Variants in TM9SF4 observed in about 807,000 individuals in gnomAD.
TM9SF4 encodes the protein dinucleotide oxidase disulfide thiol exchanger 3 superfamily member 4.
A neutral mutation model predicts 90.4 loss-of-function variants in TM9SF4; 26 were observed. The ratio of observed to expected loss-of-function variants is 0.29; its 90% confidence interval spans 0.21 to 0.40. The LOEUF (loss-of-function observed/expected upper bound fraction) is 0.40. TM9SF4 is among the 10% of genes least tolerant of loss of function. TM9SF4 has a pLI of 1.00. For missense variants in TM9SF4, 549 were observed against 834.8 expected, an observed-to-expected ratio of 0.66 and a Z score of 4.22; for synonymous variants, 293 against 315.4, an observed-to-expected ratio of 0.93 and a Z score of 0.75.
rs1237399174 is a variant in TM9SF4, at chr20:32,150,806, T to C, written c.1176T>C (p.Phe392=). The part of the protein sequence containing the change: ...ACFLFMFMGV[F]GGFSAGRLYR... Reference sequence around the variant, plus strand: ...CCCTGCCATTTTCCCACAGGGTGTTTGGCGGATTTTCTGCTGGCCGTCTGT... The same window carrying C: ...CCCTGCCATTTTCCCACAGGGTGTTCGGCGGATTTTCTGCTGGCCGTCTGT... The change falls in exon 12 of 18, where the codon TTT becomes TTC. Residue 392 remains phenylalanine, a synonymous_variant. Coordinates refer to ENST00000398022, the MANE Select transcript of TM9SF4 (RefSeq NM_014742.4). 1 of 1,613,974 alleles carries C rather than the reference T, an allele frequency of 6.2e-7. No individual in the cohort carries two copies. Among genetic ancestry groups the C allele is most frequent in the Non-Finnish European group, 8.5e-7 (1 of 1,180,016 alleles).
At chr20:32,123,255 C>T (rs1289169116) in intron 1 of TM9SF4, among the ~76,000 whole-genome samples, 6 of 116,890 alleles carry the variant, frequency 5.1e-5, no homozygotes, top group Non-Finnish European at 8.5e-5. Flanking sequence ...TTTTTTTCTA[C>T]GTAATAGCTT....
At chr20:32,140,338 T>G (rs2281361) in intron 3 of TM9SF4, among the ~76,000 whole-genome samples, 21,001 of 152,176 alleles carry the variant, frequency 0.14, 1,517 homozygotes, top group East Asian at 0.18. Flanking sequence ...GGGGTGCCAC[T>G]TCATTGAGTC....
At chr20:32,155,402 A>G (rs1212578409) in intron 13 of TM9SF4, among the ~76,000 whole-genome samples, 2 of 152,182 alleles carry the variant, frequency 1.3e-5, no homozygotes, top group Admixed American at 6.5e-5. Context: ...GAGATCTTTC[A>G]GTCAACTGAC....
At chr20:32,131,051 C>A (rs2046503141) in intron 1 of TM9SF4, among the ~76,000 whole-genome samples, 1 of 152,126 alleles carries the variant, frequency 6.6e-6, no homozygotes, top group African/African-American at 2.4e-5. Context: ...ATACTGTCTT[C>A]CTATCCTTCC....
intron 16 of TM9SF4, 72 bp downstream of exon 16, chr20:32,160,183 G>A (rs902307965): frequency 6.2e-6 from 10 of 1,603,796 alleles, no homozygotes; most frequent in Non-Finnish European, 6.8e-6. Context: ...ATGAGGCTCT[G>A]CGGAGAGGCT....
chr20:32,123,134 G>C (rs1403958693), intron 1 of TM9SF4, among the ~76,000 whole-genome samples: 3 of 130,254 alleles, frequency 2.3e-5, no homozygotes, highest in East Asian at 2.4e-4. Flanking sequence ...GTCCAGCTTC[G>C]GCTCGGCATG....
intron 5 of TM9SF4, among the ~76,000 whole-genome samples, 188 bp from the exon 6 acceptor site, chr20:32,142,794 T>C (rs1239441480): frequency 6.6e-6 from 1 of 152,140 alleles, no homozygotes; most frequent in African/African-American, 2.4e-5. Flanking sequence ...ATGCCAGACT[T>C]TGAGAAATGG....
chr20:32,153,628 CTCCTAATCAGGCAGG>C (rs2046874800), intron 12 of TM9SF4, among the ~76,000 whole-genome samples: 2 of 152,156 alleles, frequency 1.3e-5, no homozygotes, highest in Non-Finnish European at 2.9e-5. Flanking sequence ...GCCTGTAGTC[CTCCTAATCAGGCAGG>C]TGAGGTGGGA....
intron 10 of TM9SF4, 70 bp from the exon 11 acceptor site, chr20:32,150,552 G>T: frequency 4.4e-6 from 7 of 1,593,436 alleles, no homozygotes; most frequent in Non-Finnish European, 6.0e-6. Context: ...TGGGGCTGGG[G>T]CTGGGGCTAG....
At chr20:32,119,195 A>T (rs1200392414) in intron 1 of TM9SF4, among the ~76,000 whole-genome samples, 1 of 151,998 alleles carries the variant, frequency 6.6e-6, no homozygotes, top group African/African-American at 2.4e-5. Flanking sequence ...TTGGTGGCTC[A>T]TGCTTGTAAT....
chr20:32,158,753 T>C (rs1173829803), intron 15 of TM9SF4, among the ~76,000 whole-genome samples: 2 of 152,046 alleles, frequency 1.3e-5, no homozygotes, highest in African/African-American at 4.8e-5. Flanking sequence ...GAGGCCGAGG[T>C]GGGTGGATCA....
intron 3 of TM9SF4, among the ~76,000 whole-genome samples, chr20:32,140,935 T>G (rs1023327195): frequency 6.6e-6 from 1 of 151,994 alleles, no homozygotes; most frequent in Non-Finnish European, 1.5e-5. Flanking sequence ...GATGTGATGC[T>G]TGGCTGGGCG....
chr20:32,124,730 G>A (rs937096889), intron 1 of TM9SF4, among the ~76,000 whole-genome samples: 1 of 152,100 alleles, frequency 6.6e-6, no homozygotes, highest in Non-Finnish European at 1.5e-5. Flanking sequence ...GGGATTACAG[G>A]CGTGTGCCAC....
intron 1 of TM9SF4, among the ~76,000 whole-genome samples, chr20:32,128,938 C>T (rs1362079555): frequency 6.6e-6 from 1 of 151,836 alleles, no homozygotes; most frequent in Non-Finnish European, 1.5e-5. Context: ...TTCCTCCATA[C>T]CAAGCTAGGA....
chr20:32,157,516 C>T (rs1335730408), intron 13 of TM9SF4, among the ~76,000 whole-genome samples: 2 of 152,180 alleles, frequency 1.3e-5, no homozygotes, highest in South Asian at 2.1e-4. Context: ...CATCTCTTCA[C>T]GTTCTCAGTC....
In TM9SF4 at chr20:32,165,357, G is replaced by A; in HGVS notation, c.1842G>A (p.Leu614=). 6.2e-7 allele frequency: 1 copy of A among 1,614,166 alleles called. No individual in the cohort carries two copies. Among genetic ancestry groups the A allele is most frequent in the Non-Finnish European group, 8.5e-7 (1 of 1,180,016 alleles). The change falls in exon 18 of 18, where the codon TTG becomes TTA. Residue 614 remains leucine, a synonymous_variant. Coordinates refer to ENST00000398022, the MANE Select transcript of TM9SF4 (RefSeq NM_014742.4). ...TTGGCTACACGGCCCTCATGGTCTT[G>A]TCCTTCTGGCTGCTAACGGGTACCA... is the stretch of plus-strand genomic sequence containing the variant. ...LYFGYTALMV[L]SFWLLTGTIG...
rs564244910 is a variant in TM9SF4 at position 32,154,764 on chromosome 20, C to T, written c.1246-339C>T. ...CACCACGCCTGGCCAGAGTAGTTACCGTGTTCTCAGTGATGAGAGTACATC... is the reference window on the plus strand; with the variant it reads ...CACCACGCCTGGCCAGAGTAGTTACTGTGTTCTCAGTGATGAGAGTACATC... On this transcript the variant is annotated intron_variant, in intron 12 of 17. Transcript: ENST00000398022. Among the ~76,000 whole-genome samples the T allele has an allele frequency of 5.3e-5, 8 of 152,302 alleles. No individual in the cohort carries two copies. The East Asian group carries it at 5.8e-4, about 11-fold the overall frequency.
At chr20:32,164,858 T>A (rs1047002505) in intron 17 of TM9SF4, among the ~76,000 whole-genome samples, 1 of 152,114 alleles carries the variant, frequency 6.6e-6, no homozygotes, top group Non-Finnish European at 1.5e-5. Context: ...CTAACAAAAG[T>A]GACAAGCATT....
chr20:32,146,008 C>T (rs190956870), intron 8 of TM9SF4, among the ~76,000 whole-genome samples: 31 of 152,264 alleles, frequency 2.0e-4, no homozygotes, highest in East Asian at 3.9e-4. Flanking sequence ...AGCAAGAAAC[C>T]GGGTGGTGAG....
Sources: gnomAD v4.1 joint callset for allele counts (sites outside exome capture counted in the v4.1 genomes callset) on GRCh38, gnomAD v4.1.1 for gene constraint, MANE v1.5 for transcripts, NCBI Gene and HGNC (gene_info 2026-07-23, HGNC 2026-07-21) for gene names.